Variants in LRRC4C observed in about 807,000 individuals in gnomAD.
LRRC4C encodes leucine rich repeat containing 4C, also known as leucine-rich repeat-containing protein 4C.
Under a neutral mutation model 33.6 loss-of-function variants are expected in LRRC4C, and 5 were observed. That is an observed-to-expected ratio of 0.15 (90% confidence interval 0.08 to 0.31). The LOEUF (loss-of-function observed/expected upper bound fraction) is 0.31, where lower values mean the gene tolerates loss of function less well. Among genes scored for constraint, LRRC4C ranks in the 10% least tolerant of loss-of-function variants. The probability of loss-of-function intolerance (pLI) is 1.00; values close to 1 mark genes in which losing one functional copy is unlikely to be tolerated. For missense variants in LRRC4C, 560 were observed against 796.7 expected, an observed-to-expected ratio of 0.70 and a Z score of 3.58; for synonymous variants, 329 against 302.0, an observed-to-expected ratio of 1.09 and a Z score of -0.93.
chr11:40,605,907 T>C (rs545973201), intron 3 of LRRC4C, among the ~76,000 whole-genome samples: 4 of 152,276 alleles, frequency 2.6e-5, no homozygotes, highest in Non-Finnish European at 4.4e-5. Flanking sequence ...TTTGAGGGGC[T>C]GCACTAGAAA....
intron 1 of LRRC4C, among the ~76,000 whole-genome samples, chr11:41,123,803 A>C (rs949863055): frequency 2.6e-5 from 4 of 152,192 alleles, no homozygotes; most frequent in African/African-American, 7.2e-5. Context: ...TGTGTGGTTT[A>C]ATCAATGCAG....
intron 2 of LRRC4C, among the ~76,000 whole-genome samples, chr11:40,863,178 G>A (rs1310383459): frequency 6.6e-6 from 1 of 152,168 alleles, no homozygotes; most frequent in Non-Finnish European, 1.5e-5. Flanking sequence ...TAACCTTTTA[G>A]CCTAAGGCTC....
intron 1 of LRRC4C, among the ~76,000 whole-genome samples, chr11:41,233,531 A>T (rs1269100811): frequency 2.6e-5 from 4 of 152,056 alleles, no homozygotes; most frequent in African/African-American, 9.7e-5. Context: ...TATAAACTGC[A>T]TCACATAAAA....
At chr11:40,443,564 C>G (rs1427190417) in intron 3 of LRRC4C, among the ~76,000 whole-genome samples, 1 of 152,124 alleles carries the variant, frequency 6.6e-6, no homozygotes, top group Non-Finnish European at 1.5e-5. Flanking sequence ...CATTTTTCCT[C>G]AGTGACCCAT....
intron 3 of LRRC4C, among the ~76,000 whole-genome samples, chr11:40,399,662 A>G (rs1949684671): frequency 6.6e-6 from 1 of 151,980 alleles, no homozygotes; most frequent in African/African-American, 2.4e-5. Flanking sequence ...GTGCACCTGT[A>G]CCCTAAAACT....
intron 2 of LRRC4C, among the ~76,000 whole-genome samples, chr11:40,685,709 C>A (rs1225873720): frequency 6.6e-6 from 1 of 151,602 alleles, no homozygotes; most frequent in Non-Finnish European, 1.5e-5. Context: ...AATATTAAAT[C>A]AGAGAAGAGA....
At chr11:41,270,135 A>G (rs1485121889) in intron 1 of LRRC4C, among the ~76,000 whole-genome samples, 1 of 152,122 alleles carries the variant, frequency 6.6e-6, no homozygotes, top group Non-Finnish European at 1.5e-5. Context: ...GGGCCTTGAT[A>G]TTGGAAATTC....
At chr11:41,097,975 G>T (rs567030087) in intron 1 of LRRC4C, among the ~76,000 whole-genome samples, 1 of 151,474 alleles carries the variant, frequency 6.6e-6, no homozygotes, top group Non-Finnish European at 1.5e-5. Context: ...GCTTTCCTCC[G>T]TCTGTGTCCC....
intron 1 of LRRC4C, among the ~76,000 whole-genome samples, chr11:41,077,488 C>G (rs765432973): frequency 6.6e-6 from 1 of 152,206 alleles, no homozygotes; most frequent in East Asian, 1.9e-4. Context: ...GCTTGTACCC[C>G]CTGGAGCAAT....
intron 1 of LRRC4C, among the ~76,000 whole-genome samples, chr11:41,176,315 A>G (rs1401923601): frequency 3.9e-5 from 6 of 152,208 alleles, no homozygotes; most frequent in Non-Finnish European, 8.8e-5. Context: ...AAGTCTTTAT[A>G]AGAAGATAAG....
intron 5 of LRRC4C, among the ~76,000 whole-genome samples, chr11:40,214,970 C>CT (rs1049467537): frequency 1.6e-4 from 24 of 152,120 alleles, no homozygotes; most frequent in African/African-American, 5.3e-4. Context: ...TGGAGTTGTA[C>CT]TGTGCGCAGC....
intron 1 of LRRC4C, among the ~76,000 whole-genome samples, chr11:40,987,652 TCTCATATATATGAGATATAA>T (rs1159510024): frequency 1.2e-5 from 1 of 84,308 alleles, no homozygotes; most frequent in African/African-American, 5.5e-5. Flanking sequence ...TATATATATA[TCTCATATATATGAGATATAA>T]ATGATATATA....
intron 5 of LRRC4C, among the ~76,000 whole-genome samples, chr11:40,227,740 A>G (rs1864912084): frequency 6.6e-6 from 1 of 152,062 alleles, no homozygotes; most frequent in Non-Finnish European, 1.5e-5. Context: ...AAGTACAAGG[A>G]AAAAAAAGTA....
intron 1 of LRRC4C, among the ~76,000 whole-genome samples, chr11:41,241,099 T>A (rs1948231809): frequency 6.6e-6 from 1 of 152,208 alleles, no homozygotes; most frequent in Admixed American, 6.5e-5. Context: ...TAAATAGGGT[T>A]AGTGGTGAGA....
At chr11:40,251,561 A>G (rs769085418) in intron 4 of LRRC4C, among the ~76,000 whole-genome samples, 5 of 152,184 alleles carry the variant, frequency 3.3e-5, no homozygotes, top group African/African-American at 4.8e-5. Flanking sequence ...ACTAAAATGC[A>G]AAGCACTATG....
intron 2 of LRRC4C, among the ~76,000 whole-genome samples, chr11:40,918,643 G>C (rs996642284): frequency 1.3e-5 from 2 of 152,050 alleles, no homozygotes; most frequent in African/African-American, 4.8e-5. Context: ...AGGAAGAAGA[G>C]ATTGTCTCTA....
At chr11:40,731,206 C>A (rs1253481648) in intron 2 of LRRC4C, among the ~76,000 whole-genome samples, 1 of 151,898 alleles carries the variant, frequency 6.6e-6, no homozygotes, top group African/African-American at 2.4e-5. Context: ...GTAGTCCCAG[C>A]TACTCGGGAG....
intron 3 of LRRC4C, among the ~76,000 whole-genome samples, chr11:40,340,453 A>G (rs1469984271): frequency 6.6e-6 from 1 of 152,258 alleles, no homozygotes; most frequent in East Asian, 1.9e-4. Context: ...CTCTAAATAC[A>G]TTGGGACTGA....
chr11:40,962,325 T>G (rs1851034424), intron 1 of LRRC4C, among the ~76,000 whole-genome samples: 1 of 151,570 alleles, frequency 6.6e-6, no homozygotes, highest in African/African-American at 2.4e-5. Flanking sequence ...GCAGGCCTGC[T>G]CACATCTTGG....
Sources: allele counts gnomAD v4.1 joint callset (sites outside exome capture counted in the v4.1 genomes callset), GRCh38; gene constraint gnomAD v4.1.1; transcripts MANE v1.5; gene names NCBI Gene and HGNC (gene_info 2026-07-23, HGNC 2026-07-21).